The following PIP4K2C variants were observed in gnomAD, a reference collection of about 807,000 sequenced individuals.
PIP4K2C encodes the protein phosphatidylinositol-5-phosphate 4-kinase type 2 gamma.
In PIP4K2C, 21 loss-of-function variants were observed where a neutral mutation model predicts 45.0. The ratio of observed to expected loss-of-function variants is 0.47; its 90% CI spans 0.33 to 0.67. The LOEUF (loss-of-function observed/expected upper bound fraction) is 0.67. Among genes scored for constraint, PIP4K2C ranks in the 30% least tolerant of loss-of-function variants. The pLI is 0.02. For missense variants in PIP4K2C, 456 were observed against 542.8 expected (o/e 0.84, Z 1.59); for synonymous variants, 201 against 204.8 (o/e 0.98, Z 0.16).
At chr12:57,595,013 C>A in intron 2 of PIP4K2C, 113 bp from the exon 3 acceptor site, 1 of 679,408 alleles carries the variant, frequency 1.5e-6, no homozygotes, top group Non-Finnish European at 2.6e-6. Flanking sequence ...AAGGACCTCA[C>A]AGGGTTTTAT....
chr12:57,599,809 C>T (rs778334932), intron 6 of PIP4K2C, among the ~76,000 whole-genome samples: 66 of 152,306 alleles, frequency 4.3e-4, no homozygotes, highest in Non-Finnish European at 7.8e-4. Flanking sequence ...GTAATCCCAG[C>T]ACTTTAGAAG....
At chr12:57,601,168 T>G (rs1262802929) in intron 8 of PIP4K2C, 77 bp from the exon 9 acceptor site, 3 of 1,591,406 alleles carry the variant, frequency 1.9e-6, no homozygotes, top group East Asian at 2.2e-5. Flanking sequence ...GATTAGCTTT[T>G]CAGAACAAAA....
chr12:57,595,197 T>C lies in PIP4K2C; in HGVS notation c.344T>C (p.Phe115Ser). 6.2e-7 allele frequency: 1 copy of C among 1,609,902 alleles called. No homozygotes were observed. Among genetic ancestry groups the C allele is most frequent in the Non-Finnish European group, 8.5e-7 (1 of 1,176,120 alleles). Residue 115 changes from phenylalanine to serine, a missense_variant, in exon 3 of 10, where the codon TTT becomes TCT. By Grantham distance (155) the Phe-to-Ser change is radical. Around this residue, in one of 2 missense-constraint regions of PIP4K2C, gnomAD observed 421 missense variants for 473.1 expected, o/e 0.89. Transcript: ENST00000354947. ...GTCTTCAGGAACCTCCGTGATCGAT[T>C]TGGCATTGATGACCAAGATTACTTG... ...PQVFRNLRDR[F>S]GIDDQDYLVS...
chr12:57,596,760 A>G (rs1310850435), intron 4 of PIP4K2C, among the ~76,000 whole-genome samples: 1 of 152,226 alleles, frequency 6.6e-6, no homozygotes, highest in Non-Finnish European at 1.5e-5. Context: ...GGCAGTGACC[A>G]GTGACCCAGT....
Position 57,594,104 on chromosome 12 carries a change from A to C in PIP4K2C, c.254A>C (p.Asn85Thr). 1 of 1,613,878 alleles carries C rather than the reference A, an allele frequency of 6.2e-7. No homozygotes were observed. The highest frequency in any genetic ancestry group is 1.3e-5 in the African/African-American group (1 of 75,018). The part of the protein sequence containing the change: ...DFKASSKIKV[N>T]NHLFHRENLP... ...AAGGCCAGCTCCAAGATCAAGGTCA[A>C]CAATCACCTTTTCCACAGGTAAGTG... is the stretch of plus-strand genomic sequence containing the variant. Residue 85 changes from asparagine (N) to threonine (T), a missense_variant, in exon 2 of 10, where the codon AAC becomes ACC. Asn to Thr is a moderately conservative substitution (Grantham distance 65). This residue lies in a region of PIP4K2C where 421 missense variants were observed against 473.1 expected (regional missense o/e 0.89). Coordinates refer to ENST00000354947, the MANE Select transcript of PIP4K2C (RefSeq NM_024779.5).
In PIP4K2C at chr12:57,591,277, T is replaced by A; in HGVS notation, c.-13T>A. ...CGGCTCCGGCTTCCACTTGGTCGGTTGCGCGGGAGACTATGGCGTCCTCCT... is the reference window on the plus strand; with the variant it reads ...CGGCTCCGGCTTCCACTTGGTCGGTAGCGCGGGAGACTATGGCGTCCTCCT... On this transcript the variant is annotated 5_prime_UTR_variant, in exon 1 of 10. Transcript: ENST00000354947. 6.3e-7 allele frequency: 1 copy of A among 1,595,262 alleles called. No homozygotes were observed.
At chr12:57,598,934 C>A in intron 4 of PIP4K2C, 131 bp from the exon 5 acceptor site, 1 of 1,015,630 alleles carries the variant, frequency 9.8e-7, no homozygotes, top group Non-Finnish European at 1.4e-6. Flanking sequence ...GCTTCCACCA[C>A]TTTTGACTTT....
At position 57,591,256 on chromosome 12, in the gene PIP4K2C, T is replaced by G. The variant is rs200394978; in HGVS notation, c.-34T>G. 1 of 1,573,696 alleles carries G rather than the reference T, an allele frequency of 6.4e-7. No individual in the cohort carries two copies. Among genetic ancestry groups the G allele is most frequent in the East Asian group, 2.3e-5 (1 of 43,612 alleles). On this transcript the variant is annotated 5_prime_UTR_variant, in exon 1 of 10. Transcript: ENST00000354947. ...GTCGGGCGCCTGGATAGCTGCCGGC[T>G]CCGGCTTCCACTTGGTCGGTTGCGC...
rs1453146281 is a variant in PIP4K2C, at chr12:57,595,910, C to G, written c.392C>G (p.Pro131Arg). 1.9e-6 allele frequency: 3 copies of G among 1,614,018 alleles called. No individual in the cohort carries two copies. The highest frequency in any genetic ancestry group is 2.5e-6 in the Non-Finnish European group (3 of 1,180,008). The change falls in exon 4 of 10, where the codon CCC becomes CGC. Residue 131 changes from proline (P) to arginine (R), a missense_variant. Pro to Arg is a moderately radical substitution (Grantham distance 103). Around this residue, in one of 2 missense-constraint regions of PIP4K2C, gnomAD observed 421 missense variants for 473.1 expected, o/e 0.89. Coordinates refer to ENST00000354947, the MANE Select transcript of PIP4K2C (RefSeq NM_024779.5). ...DYLVSLTRNPPSESEGSDGRF... is the reference protein window; with the variant it reads ...DYLVSLTRNPRSESEGSDGRF... ...CAGGTGTCCCTTACCCGAAACCCCC[C>G]CAGCGAAAGTGAAGGCAGTGATGGT...
At chr12:57,591,567 C>A (rs1287800390) in intron 1 of PIP4K2C, 104 bp downstream of exon 1, 53 of 1,336,362 alleles carry the variant, frequency 4.0e-5, no homozygotes, top group Middle Eastern at 2.5e-4. Context: ...AGTGCCACTC[C>A]CCTCCCCCGG....
chr12:57,600,535 C>T, intron 7 of PIP4K2C, 98 bp downstream of exon 7: 1 of 887,756 alleles, frequency 1.1e-6, no homozygotes, highest in Non-Finnish European at 1.8e-6. Context: ...CCTCCCCTTC[C>T]CTTTATTCTT....
Position 57,601,903 on chromosome 12 carries a change from C to A in PIP4K2C, c.*297C>A, listed in dbSNP as rs1476123253. 4 of 410,516 alleles carry A rather than the reference C, an allele frequency of 9.7e-6. No individual in the cohort carries two copies. The South Asian group carries it at 1.1e-4, about 11-fold the overall frequency. 25.4% of individuals were successfully genotyped at this position (410,516 alleles called of 1,614,324 possible). A position where few individuals can be genotyped will look rare whatever the true frequency, so the allele number is the denominator to read the frequency against. On this transcript the variant is annotated 3_prime_UTR_variant, in exon 10 of 10. Transcript: ENST00000354947. The stretch of plus-strand genomic sequence containing the variant: ...CCAAGTGCCTTGATCTTTGTAATAT[C>A]TCCTGTTGTTTCTATGATATAGGAG...
intron 1 of PIP4K2C, among the ~76,000 whole-genome samples, chr12:57,592,645 G>A (rs1883012463): frequency 6.6e-6 from 1 of 152,130 alleles, no homozygotes; most frequent in African/African-American, 2.4e-5. Flanking sequence ...TCCATTCCCT[G>A]TGGGATGCTT....
chr12:57,593,120 A>G (rs552985481), intron 1 of PIP4K2C, among the ~76,000 whole-genome samples: 25 of 152,272 alleles, frequency 1.6e-4, no homozygotes, highest in African/African-American at 5.8e-4. Flanking sequence ...GACACCTGAA[A>G]GATGCAGACG....
At chr12:57,592,303 C>T (rs558571546) in intron 1 of PIP4K2C, among the ~76,000 whole-genome samples, 1 of 152,248 alleles carries the variant, frequency 6.6e-6, no homozygotes, top group African/African-American at 2.4e-5. Flanking sequence ...ACAGCCATTG[C>T]CCATCTTCCG....
chr12:57,592,900 CTT>C (rs74320065), intron 1 of PIP4K2C, among the ~76,000 whole-genome samples: 40 of 121,220 alleles, frequency 3.3e-4, no homozygotes, highest in East Asian at 9.5e-4. Context: ...TCTCAAGTGG[CTT>C]TTTTTTTTTT....
rs758142748 is a variant in PIP4K2C at position 57,594,127 on chromosome 12, G to C, written c.272+5G>C. On this transcript the variant is annotated splice_donor_5th_base_variant and intron_variant, in intron 2 of 9. Coordinates refer to ENST00000354947, the MANE Select transcript of PIP4K2C (RefSeq NM_024779.5). Reference sequence around the variant, plus strand: ...CAACAATCACCTTTTCCACAGGTAAGTGATGATCCTTGCCATTCTCATGTC... The same window carrying C: ...CAACAATCACCTTTTCCACAGGTAACTGATGATCCTTGCCATTCTCATGTC... The C allele has an allele frequency of 2.5e-6, 4 of 1,607,634 alleles. No individual in the cohort carries two copies. Among genetic ancestry groups the C allele is most frequent in the Non-Finnish European group, 3.4e-6 (4 of 1,176,094 alleles).
chr12:57,600,829 A>G lies in PIP4K2C; in HGVS notation c.832A>G (p.Ile278Val). The G allele has an allele frequency of 6.2e-7, 1 of 1,614,150 alleles. No homozygotes were observed. Among genetic ancestry groups the G allele is most frequent in the Non-Finnish European group, 8.5e-7 (1 of 1,180,028 alleles). Reference protein sequence around the residue: ...RDVEFLVQLKIMDYSLLLGIH... With the variant: ...RDVEFLVQLKVMDYSLLLGIH... ...GTCTCAGTTTCTAGTGCAGCTGAAG[A>G]TCATGGACTACAGCCTTCTGCTAGG... The change falls in exon 8 of 10, where the codon ATC (isoleucine) becomes GTC (valine). Residue 278 changes from isoleucine (I) to valine (V), a missense_variant. Around this residue, in one of 2 missense-constraint regions of PIP4K2C, gnomAD observed 421 missense variants for 473.1 expected, o/e 0.89. Transcript: ENST00000354947.
intron 1 of PIP4K2C, among the ~76,000 whole-genome samples, chr12:57,593,783 G>A (rs941946331): frequency 2.1e-5 from 3 of 140,882 alleles, no homozygotes; most frequent in Non-Finnish European, 4.6e-5. Flanking sequence ...ACTGTTGTGA[G>A]CATGAAGTTC....
Sources: allele counts gnomAD v4.1 joint callset (sites outside exome capture counted in the v4.1 genomes callset), GRCh38; gene constraint gnomAD v4.1.1; regional missense constraint gnomAD v4.1.1; transcripts MANE v1.5; gene names NCBI Gene and HGNC (gene_info 2026-07-23, HGNC 2026-07-21).